Variants in UNC5D observed in about 807,000 individuals in gnomAD.
UNC5D encodes unc-5 netrin receptor D.
In UNC5D, 39 loss-of-function variants were observed where a neutral mutation model predicts 105.4. That is an observed-to-expected ratio of 0.37 (90% confidence interval 0.29 to 0.48). UNC5D has a LOEUF of 0.48. Among genes scored for constraint, UNC5D ranks in the 20% least tolerant of loss-of-function variants. The pLI is 0.98. For missense variants in UNC5D, 991 were observed against 1,202.4 expected (o/e 0.82, Z 2.60); for synonymous variants, 452 against 450.4 (o/e 1.00, Z -0.04).
At chr8:35,693,786 T>C (rs1399515799) in intron 7 of UNC5D, among the ~76,000 whole-genome samples, 1 of 152,172 alleles carries the variant, frequency 6.6e-6, no homozygotes, top group Non-Finnish European at 1.5e-5. Flanking sequence ...TGCATTCTTT[T>C]GGTGAAATTA....
intron 7 of UNC5D, among the ~76,000 whole-genome samples, chr8:35,688,531 A>T (rs1265746419): frequency 6.6e-6 from 1 of 152,204 alleles, no homozygotes. Flanking sequence ...ATTACCCTGC[A>T]TGCATCAGAT....
intron 1 of UNC5D, among the ~76,000 whole-genome samples, chr8:35,392,080 G>A (rs1358418978): frequency 6.6e-6 from 1 of 152,132 alleles, no homozygotes; most frequent in Non-Finnish European, 1.5e-5. Context: ...GTCTGAAATG[G>A]ATTTCACTAC....
chr8:35,514,391 G>T (rs1400922650), intron 1 of UNC5D, among the ~76,000 whole-genome samples: 1 of 152,154 alleles, frequency 6.6e-6, no homozygotes, highest in African/African-American at 2.4e-5. Context: ...ACCATTATCA[G>T]GAATGCCAAG....
In UNC5D at chr8:35,712,163, C is replaced by T. The variant is rs186410768; in HGVS notation, c.1117+6202C>T. ...GCAAGTGCCTGCTGTCCCAGCTACT[C>T]GGGAGGCTGAGGCAGAAGAATCGCT... On this transcript the variant is annotated intron_variant, in intron 8 of 16. Coordinates refer to ENST00000404895, the MANE Select transcript of UNC5D (RefSeq NM_080872.4). 6.1e-3 allele frequency among the ~76,000 whole-genome samples: 935 copies of T among 152,152 alleles called. 4 individuals carry two copies. Among genetic ancestry groups the T allele is most frequent in the African/African-American group, 0.021 (878 of 41,520 alleles).
At chr8:35,777,808 C>T (rs1051445286) in intron 16 of UNC5D, among the ~76,000 whole-genome samples, 3 of 152,168 alleles carry the variant, frequency 2.0e-5, no homozygotes, top group African/African-American at 7.2e-5. Flanking sequence ...TTTAGTAAAA[C>T]TTCCATAGGA....
At chr8:35,468,158 G>A (rs189446885) in intron 1 of UNC5D, among the ~76,000 whole-genome samples, 15 of 152,110 alleles carry the variant, frequency 9.9e-5, no homozygotes, top group Admixed American at 2.0e-4. Context: ...AACTTAGCCC[G>A]GTAATGTGTT....
chr8:35,609,077 T>A lies in UNC5D; in HGVS notation c.570+13420T>A, dbSNP rs527338836. ...CATCTTGTCAACATCCAGTTTTTTT[T>A]AAACTTTTTAATAATAGCCATTATG... On this transcript the variant is annotated intron_variant, in intron 4 of 16. Coordinates refer to ENST00000404895, the MANE Select transcript of UNC5D (RefSeq NM_080872.4). Among the ~76,000 whole-genome samples, 73 of 152,322 alleles carry A rather than the reference T, an allele frequency of 4.8e-4. 1 individual carries two copies. Among genetic ancestry groups the A allele is most frequent in the African/African-American group, 1.7e-3 (70 of 41,586 alleles).
At chr8:35,590,101 T>C (rs1819069067) in intron 3 of UNC5D, among the ~76,000 whole-genome samples, 1 of 152,198 alleles carries the variant, frequency 6.6e-6, no homozygotes, top group Non-Finnish European at 1.5e-5. Context: ...ATTAGCCACT[T>C]GTATCTCTTC....
intron 4 of UNC5D, among the ~76,000 whole-genome samples, chr8:35,603,793 T>C (rs924258442): frequency 1.3e-5 from 2 of 152,198 alleles, no homozygotes; most frequent in African/African-American, 2.4e-5. Flanking sequence ...TTTACTATTA[T>C]GTAATGGCCT....
In UNC5D at chr8:35,724,080, G is replaced by C. The variant is rs1391538204; in HGVS notation, c.1303+1685G>C. 5 of 1,349,122 alleles carry C rather than the reference G, an allele frequency of 3.7e-6. No individual in the cohort carries two copies. The East Asian group carries it at 1.3e-4, about 36-fold the overall frequency. 83.6% of individuals were successfully genotyped at this position (1,349,122 alleles called of 1,614,324 possible). A position where few individuals can be genotyped will look rare whatever the true frequency, so the allele number is the denominator to read the frequency against. ...TTACCCTAGTACAGGATGCCAGCGT[G>C]TTCCGTGGAGCACCAGGCAGCAGGT... On this transcript the variant is annotated intron_variant, in intron 9 of 16. Coordinates refer to ENST00000404895, the MANE Select transcript of UNC5D (RefSeq NM_080872.4).
chr8:35,766,997 C>T lies in UNC5D; in HGVS notation c.2409C>T (p.Ser803=), dbSNP rs376499825. Residue 803 remains serine (S), a synonymous_variant, in exon 15 of 17, where the codon TCC becomes TCT. Coordinates refer to ENST00000404895, the MANE Select transcript of UNC5D (RefSeq NM_080872.4). ...ATACGCCCACTACCACCCAGCTGTC[C>T]TGCAAAATCTGCATTCGGCAGCTCA... ...ERYTPTTTQL[S]CKICIRQLKG... The T allele has an allele frequency of 1.2e-6, 2 of 1,614,088 alleles. No individual in the cohort carries two copies. The highest frequency in any genetic ancestry group is 8.5e-7 in the Non-Finnish European group (1 of 1,179,970).
intron 1 of UNC5D, among the ~76,000 whole-genome samples, chr8:35,303,285 T>G (rs572204024): frequency 6.6e-6 from 1 of 152,274 alleles, no homozygotes; most frequent in African/African-American, 2.4e-5. Context: ...TATTCCAACA[T>G]GCCTAAAAGT....
At chr8:35,357,688 A>G (rs1801637948) in intron 1 of UNC5D, among the ~76,000 whole-genome samples, 1 of 152,214 alleles carries the variant, frequency 6.6e-6, no homozygotes, top group Non-Finnish European at 1.5e-5. Context: ...GCTAAAACCT[A>G]GAACGGTGCC....
rs1460345918 is a variant in UNC5D at position 35,793,868 on chromosome 8, T to C, written c.*3305T>C. 1 of 152,190 alleles carries C rather than the reference T, an allele frequency of 6.6e-6. No homozygotes were observed. The highest frequency in any genetic ancestry group is 1.5e-5 in the Non-Finnish European group (1 of 68,014). The allele number at this position is 152,190 out of a possible 1,614,324, so 9.4% of individuals were successfully genotyped here. A position where few individuals can be genotyped will look rare whatever the true frequency, so the allele number is the denominator to read the frequency against. ...CTCTTTAAAGAGAAGAACTTTTTTATTATTATTTTTATCTCCAACTGCAGG... is the reference window on the plus strand; with the variant it reads ...CTCTTTAAAGAGAAGAACTTTTTTACTATTATTTTTATCTCCAACTGCAGG... On this transcript the variant is annotated 3_prime_UTR_variant, in exon 17 of 17. Transcript: ENST00000404895.
intron 1 of UNC5D, among the ~76,000 whole-genome samples, chr8:35,244,364 A>G (rs1802964447): frequency 6.6e-6 from 1 of 152,214 alleles, no homozygotes. Context: ...CACTTCACTC[A>G]TAGTCCATTT....
chr8:35,413,257 C>CTGTG (rs1183992855), intron 1 of UNC5D, among the ~76,000 whole-genome samples: 21 of 130,116 alleles, frequency 1.6e-4, no homozygotes, highest in Middle Eastern at 4.0e-3. Flanking sequence ...GGGGGCGGGT[C>CTGTG]TGTGTGTGTG....
intron 15 of UNC5D, among the ~76,000 whole-genome samples, chr8:35,770,052 A>C (rs1405312686): frequency 6.6e-6 from 1 of 152,154 alleles, no homozygotes; most frequent in Non-Finnish European, 1.5e-5. Flanking sequence ...AGTGCTGAGA[A>C]ATTGGGATGA....
intron 8 of UNC5D, among the ~76,000 whole-genome samples, chr8:35,706,635 G>A (rs1241981105): frequency 6.6e-6 from 1 of 152,238 alleles, no homozygotes; most frequent in East Asian, 1.9e-4. Flanking sequence ...GGAATTTAAG[G>A]TGGAGGGTTT....
At chr8:35,723,044 T>C (rs1828667233) in intron 9 of UNC5D, among the ~76,000 whole-genome samples, 1 of 152,222 alleles carries the variant, frequency 6.6e-6, no homozygotes, top group Admixed American at 6.5e-5. Context: ...AATCTATTCC[T>C]TATTGCAAGG....
Sources: gnomAD v4.1 joint callset for allele counts (sites outside exome capture counted in the v4.1 genomes callset) on GRCh38, gnomAD v4.1.1 for gene constraint, MANE v1.5 for transcripts, NCBI Gene and HGNC (gene_info 2026-07-23, HGNC 2026-07-21) for gene names.